ADCY2: variants seen among roughly 807,000 people sequenced by gnomAD.
ADCY2 encodes the protein adenylate cyclase 2, also known as adenylate cyclase type 2.
Under a neutral mutation model 125.2 loss-of-function variants are expected in ADCY2, and 31 were observed. That is an observed-to-expected ratio of 0.25 (90% CI 0.19 to 0.33). ADCY2 has a LOEUF of 0.33. ADCY2 is among the 10% of genes least tolerant of loss of function. The probability of loss-of-function intolerance (pLI) is 1.00; values close to 1 mark genes in which losing one functional copy is unlikely to be tolerated. For missense variants in ADCY2, 904 were observed against 1,418.2 expected (o/e 0.64, Z 5.82); for synonymous variants, 512 against 548.4 (o/e 0.93, Z 0.93).
At chr5:7,803,577 C>T (rs116504582) in intron 21 of ADCY2, among the ~76,000 whole-genome samples, 3 of 152,090 alleles carry the variant, frequency 2.0e-5, no homozygotes, top group Non-Finnish European at 4.4e-5. Flanking sequence ...TCAAGTGGGA[C>T]GCTGATAACT....
At chr5:7,578,717 A>G (rs1425319492) in intron 3 of ADCY2, among the ~76,000 whole-genome samples, 1 of 152,192 alleles carries the variant, frequency 6.6e-6, no homozygotes, top group Non-Finnish European at 1.5e-5. Context: ...TCTAGTTTTC[A>G]TATTTGAACA....
At chr5:7,527,417 A>G (rs1734511683) in intron 3 of ADCY2, among the ~76,000 whole-genome samples, 1 of 152,198 alleles carries the variant, frequency 6.6e-6, no homozygotes, top group African/African-American at 2.4e-5. Context: ...TGTATACATC[A>G]TGATTGCACT....
intron 2 of ADCY2, among the ~76,000 whole-genome samples, chr5:7,453,742 T>C (rs1461261583): frequency 3.3e-5 from 5 of 152,134 alleles, no homozygotes; most frequent in Non-Finnish European, 5.9e-5. Flanking sequence ...CCCCTGATTC[T>C]TCCCTTGGTG....
intron 2 of ADCY2, among the ~76,000 whole-genome samples, chr5:7,507,582 TAAG>T (rs1243680852): frequency 1.3e-5 from 2 of 151,480 alleles, no homozygotes; most frequent in African/African-American, 2.4e-5. Context: ...ACTAGAAAAA[TAAG>T]AAGGAGGCAC....
intron 20 of ADCY2, among the ~76,000 whole-genome samples, chr5:7,792,781 C>T (rs1266153158): frequency 2.6e-5 from 4 of 152,216 alleles, no homozygotes; most frequent in African/African-American, 4.8e-5. Context: ...TTCCTGTGAA[C>T]GTGAGCTGGT....
Position 7,408,555 on chromosome 5 carries a change from A to T in ADCY2, c.211-6018A>T, listed in dbSNP as rs563884739. 3.3e-5 allele frequency among the ~76,000 whole-genome samples: 5 copies of T among 151,952 alleles called. No homozygotes were observed. In the South Asian group the frequency reaches 1.0e-3, roughly 32 times the overall value. On this transcript the variant is annotated intron_variant, in intron 1 of 24. Transcript: ENST00000338316. ...GCTAATTTTTGCATTTTTAGTAGAG[A>T]CGGGGTTTCATCATGTTGGCCAGCC...
intron 3 of ADCY2, among the ~76,000 whole-genome samples, chr5:7,559,567 G>A (rs1007732249): frequency 6.6e-6 from 1 of 152,198 alleles, no homozygotes; most frequent in East Asian, 1.9e-4. Flanking sequence ...AGCTTAAGAA[G>A]CTTTTGGACT....
intron 16 of ADCY2, among the ~76,000 whole-genome samples, chr5:7,761,535 G>T (rs961240677): frequency 4.6e-5 from 7 of 152,118 alleles, no homozygotes; most frequent in African/African-American, 7.2e-5. Context: ...ACTTTGAGGA[G>T]ATCTTTGTTT....
At chr5:7,688,460 G>T (rs1740604363) in intron 4 of ADCY2, among the ~76,000 whole-genome samples, 2 of 151,756 alleles carry the variant, frequency 1.3e-5, no homozygotes, top group African/African-American at 4.8e-5. Flanking sequence ...GTAGAGATGG[G>T]GTTTCACCAT....
chr5:7,704,645 C>T (rs539849590), intron 7 of ADCY2, among the ~76,000 whole-genome samples: 11 of 152,034 alleles, frequency 7.2e-5, no homozygotes, highest in East Asian at 3.9e-4. Context: ...TTTGGGAGGC[C>T]GAGGCGGGTG....
At chr5:7,779,000 T>A (rs1324566975) in intron 18 of ADCY2, among the ~76,000 whole-genome samples, 1 of 152,218 alleles carries the variant, frequency 6.6e-6, no homozygotes, top group Non-Finnish European at 1.5e-5. Context: ...TATTTTCGAT[T>A]CCTTTCAGAT....
intron 2 of ADCY2, among the ~76,000 whole-genome samples, chr5:7,435,096 T>C (rs890761177): frequency 2.0e-5 from 3 of 152,198 alleles, no homozygotes; most frequent in African/African-American, 7.2e-5. Flanking sequence ...TTGCGTGTTT[T>C]CTTCAGGCTA....
intron 15 of ADCY2, among the ~76,000 whole-genome samples, chr5:7,750,938 G>A (rs570437583): frequency 3.2e-4 from 49 of 151,714 alleles, no homozygotes; most frequent in African/African-American, 1.1e-3. Flanking sequence ...CTCTTCCCTG[G>A]TCTTTCTGTT....
At chr5:7,741,011 G>A (rs1742389925) in intron 14 of ADCY2, among the ~76,000 whole-genome samples, 1 of 151,824 alleles carries the variant, frequency 6.6e-6, no homozygotes, top group South Asian at 2.1e-4. Flanking sequence ...TCCTTGAGAA[G>A]GTCAACAAAA....
chr5:7,691,022 T>A, intron 5 of ADCY2, 183 bp downstream of exon 5: 1 of 574,430 alleles, frequency 1.7e-6, no homozygotes, highest in Non-Finnish European at 2.7e-6. Context: ...GCCTTCACAT[T>A]AAGATGAGAA....
At chr5:7,409,374 G>A (rs913632734) in intron 1 of ADCY2, among the ~76,000 whole-genome samples, 5 of 152,096 alleles carry the variant, frequency 3.3e-5, no homozygotes, top group African/African-American at 9.7e-5. Flanking sequence ...AATTACCCCT[G>A]AACTTAAATG....
chr5:7,601,999 A>G (rs1358319017), intron 3 of ADCY2, among the ~76,000 whole-genome samples: 1 of 152,088 alleles, frequency 6.6e-6, no homozygotes. Flanking sequence ...GCTTCTGGTG[A>G]TGCTGGGTGG....
At chr5:7,548,123 T>C (rs1735207750) in intron 3 of ADCY2, among the ~76,000 whole-genome samples, 1 of 152,208 alleles carries the variant, frequency 6.6e-6, no homozygotes, top group South Asian at 2.1e-4. Context: ...TGTTTTCTTT[T>C]CTGTATAGGG....
Position 7,709,974 on chromosome 5 carries a change from A to G in ADCY2, c.1578+587A>G, listed in dbSNP as rs1379296974. Among the ~76,000 whole-genome samples, 5 of 152,244 alleles carry G rather than the reference A, an allele frequency of 3.3e-5. No individual in the cohort carries two copies. Among genetic ancestry groups the G allele is most frequent in the African/African-American group, 1.2e-4 (5 of 41,460 alleles). On this transcript the variant is annotated intron_variant, in intron 10 of 24. Coordinates refer to ENST00000338316, the MANE Select transcript of ADCY2 (RefSeq NM_020546.3). This position sits in a 1 kb window ranked among gnomAD's most constrained non-coding sequence, Gnocchi z 4.4. ...GAGAGAAAAGTAAATACAACCAAGC[A>G]CTTAGGATAATCCCCATAGTATTTT...
Sources: allele counts gnomAD v4.1 joint callset (sites outside exome capture counted in the v4.1 genomes callset), GRCh38; gene constraint gnomAD v4.1.1; non-coding constraint Gnocchi (gnomAD v3.1); transcripts MANE v1.5; gene names NCBI Gene and HGNC (gene_info 2026-07-23, HGNC 2026-07-21).